The following MBP variants were observed in gnomAD, a reference collection of about 807,000 sequenced individuals.
MBP encodes the protein myelin basic protein.
MBP carries 16 observed loss-of-function variants against 35.8 expected under a neutral mutation model. That is an observed-to-expected ratio of 0.45 (90% confidence interval 0.30 to 0.68). MBP has a LOEUF of 0.68. MBP is among the 30% of genes least tolerant of loss of function. The pLI is 0.08. For missense variants in MBP, 380 were observed against 404.7 expected, an observed-to-expected ratio of 0.94 and a Z score of 0.52; for synonymous variants, 143 against 159.6, an observed-to-expected ratio of 0.90 and a Z score of 0.78.
chr18:77,029,604 T>C (rs1394130704), intron 3 of MBP, among the ~76,000 whole-genome samples: 2 of 152,142 alleles, frequency 1.3e-5, no homozygotes, highest in African/African-American at 4.8e-5. Flanking sequence ...GCATGAGACA[T>C]TGTGCCCATC....
chr18:77,000,820 C>T (rs909764245), intron 4 of MBP, among the ~76,000 whole-genome samples: 1 of 152,112 alleles, frequency 6.6e-6, no homozygotes, highest in South Asian at 2.1e-4. Context: ...AGTTGCCGCC[C>T]GATGCATCTG....
intron 2 of MBP, among the ~76,000 whole-genome samples, chr18:77,071,152 G>A (rs572453290): frequency 1.3e-5 from 2 of 152,154 alleles, no homozygotes; most frequent in African/African-American, 2.4e-5. Flanking sequence ...CACTTGCTTC[G>A]TATTGGTACA....
chr18:77,064,972 G>A (rs1974134735), intron 3 of MBP, among the ~76,000 whole-genome samples: 1 of 152,164 alleles, frequency 6.6e-6, no homozygotes, highest in Non-Finnish European at 1.5e-5. Flanking sequence ...GAATAGAACT[G>A]CTTTGAGGAC....
chr18:77,029,776 C>T (rs1972471462), intron 3 of MBP, among the ~76,000 whole-genome samples: 1 of 132,048 alleles, frequency 7.6e-6, no homozygotes, highest in Non-Finnish European at 1.7e-5. Flanking sequence ...CATAAAATGA[C>T]CACACACACA....
intron 1 of MBP, among the ~76,000 whole-genome samples, chr18:77,112,209 G>A (rs934117485): frequency 2.7e-4 from 41 of 149,184 alleles, no homozygotes; most frequent in African/African-American, 1.0e-3. Context: ...GCGGCAAAAA[G>A]AAACAGCTCA....
chr18:77,012,401 G>C (rs1455014097), intron 4 of MBP, among the ~76,000 whole-genome samples: 1 of 152,194 alleles, frequency 6.6e-6, no homozygotes, highest in African/African-American at 2.4e-5. Context: ...CCTAACATTT[G>C]CGGGATGATG....
chr18:76,989,786 G>C lies in MBP; in HGVS notation c.681+170C>G, dbSNP rs1001662246. ...TGGCAGATACAGTCGGGAAGCGCTT[G>C]CCTGGAACTCGCGATCAGGTGCGAG... On this transcript the variant is annotated intron_variant, in intron 5 of 8. Coordinates refer to ENST00000355994, the MANE Select transcript of MBP (RefSeq NM_001025101.2). The surrounding 1 kb of genome is among the most constrained non-coding windows in gnomAD (Gnocchi z 4.0). 8 of 618,582 alleles carry C rather than the reference G, an allele frequency of 1.3e-5. No homozygotes were observed. The highest frequency in any genetic ancestry group is 1.8e-5 in the Non-Finnish European group (6 of 342,490). The allele number at this position is 618,582 out of a possible 1,614,324, so 38.3% of individuals were successfully genotyped here. A position where few individuals can be genotyped will look rare whatever the true frequency, so the allele number is the denominator to read the frequency against.
chr18:77,067,741 C>A, intron 2 of MBP: 1 of 464,202 alleles, frequency 2.2e-6, no homozygotes, highest in African/African-American at 2.0e-5. Context: ...TAAGTTTGTA[C>A]CAATTTTCCA....
intron 2 of MBP, among the ~76,000 whole-genome samples, chr18:77,090,883 A>G (rs531377066): frequency 1.3e-5 from 2 of 152,214 alleles, no homozygotes; most frequent in African/African-American, 4.8e-5. Flanking sequence ...AGAAGGGGCG[A>G]CCTCACACAG....
At position 76,979,678 on chromosome 18, in the gene MBP, C is replaced by A; in HGVS notation, c.*749G>T. 2.1e-6 allele frequency: 1 copy of A among 472,124 alleles called. No individual in the cohort carries two copies. The highest frequency in any genetic ancestry group is 2.5e-5 in the South Asian group (1 of 39,522). The allele number at this position is 472,124 out of a possible 1,614,324, so 29.2% of individuals were successfully genotyped here. On this transcript the variant is annotated 3_prime_UTR_variant, in exon 9 of 9. Coordinates refer to ENST00000355994, the MANE Select transcript of MBP (RefSeq NM_001025101.2). ...GGCCACCTGCTTGACATCTCCATCA[C>A]CAAATCTCCAGGAAGACCCTGTTTC...
intron 3 of MBP, among the ~76,000 whole-genome samples, chr18:77,029,253 A>T (rs1032860912): frequency 1.3e-5 from 2 of 149,158 alleles, no homozygotes. Context: ...CACCAAAAAA[A>T]TACGAAAACC....
chr18:77,018,974 A>G (rs1971852190), intron 3 of MBP, among the ~76,000 whole-genome samples: 1 of 144,882 alleles, frequency 6.9e-6, no homozygotes, highest in Non-Finnish European at 1.5e-5. Context: ...TCATCCATCC[A>G]TCCATCCATC....
At position 77,031,293 on chromosome 18, in the gene MBP, T is replaced by C. The variant is rs1252109330; in HGVS notation, c.140-14025A>G. Reference sequence around the variant, plus strand: ...TTTTTACCTAAAGCAGTTTGGCAGATGCCAGACAGACCCCCGAGGCTGTGA... The same window carrying C: ...TTTTTACCTAAAGCAGTTTGGCAGACGCCAGACAGACCCCCGAGGCTGTGA... On this transcript the variant is annotated intron_variant, in intron 3 of 8. Coordinates refer to ENST00000355994, the MANE Select transcript of MBP (RefSeq NM_001025101.2). Among the ~76,000 whole-genome samples, 3 of 152,376 alleles carry C rather than the reference T, an allele frequency of 2.0e-5. No homozygotes were observed. In the East Asian group the frequency reaches 5.8e-4, roughly 29 times the overall value.
At chr18:77,068,805 T>C (rs1299320458) in intron 2 of MBP, among the ~76,000 whole-genome samples, 1 of 152,182 alleles carries the variant, frequency 6.6e-6, no homozygotes, top group East Asian at 1.9e-4. Context: ...AGATTTCTTT[T>C]TAACACAAGT....
chr18:77,002,118 C>T (rs1238834698), intron 4 of MBP, among the ~76,000 whole-genome samples: 1 of 152,186 alleles, frequency 6.6e-6, no homozygotes, highest in Non-Finnish European at 1.5e-5. Flanking sequence ...GGATGGAGCA[C>T]AGGAAGTTGG....
chr18:77,090,123 G>A (rs181333209), intron 2 of MBP, among the ~76,000 whole-genome samples: 14 of 152,328 alleles, frequency 9.2e-5, no homozygotes, highest in African/African-American at 3.4e-4. Flanking sequence ...CCTGTCAGAG[G>A]GGCCTCAGCC....
intron 3 of MBP, among the ~76,000 whole-genome samples, chr18:77,049,623 G>A (rs1973400345): frequency 6.6e-6 from 1 of 151,828 alleles, no homozygotes; most frequent in Non-Finnish European, 1.5e-5. Flanking sequence ...GGTCACATGT[G>A]GATTTATTTT....
At chr18:77,014,014 G>A (rs1292131929) in intron 4 of MBP, 3 of 985,312 alleles carry the variant, frequency 3.0e-6, no homozygotes, top group Non-Finnish European at 3.6e-6. Flanking sequence ...GGCCCTAAGT[G>A]CTCACCCATT....
At chr18:77,079,962 G>C (rs1974825370) in intron 2 of MBP, among the ~76,000 whole-genome samples, 1 of 152,170 alleles carries the variant, frequency 6.6e-6, no homozygotes, top group African/African-American at 2.4e-5. Context: ...TGCAAGAAGC[G>C]AGAATCAAGT....
Sources: allele counts gnomAD v4.1 joint callset (sites outside exome capture counted in the v4.1 genomes callset), GRCh38; gene constraint gnomAD v4.1.1; non-coding constraint Gnocchi (gnomAD v3.1); transcripts MANE v1.5; gene names NCBI Gene and HGNC (gene_info 2026-07-23, HGNC 2026-07-21).